Variants in EPHB1 observed in about 807,000 individuals in gnomAD.
EPHB1 encodes EPH receptor B1.
EPHB1 carries 30 observed loss-of-function variants against 94.4 expected under a neutral mutation model. That is an observed-to-expected ratio of 0.32 (90% CI 0.24 to 0.43). The LOEUF (loss-of-function observed/expected upper bound fraction) is 0.43, where lower values mean the gene tolerates loss of function less well. Ranked by LOEUF, EPHB1 falls within the 20% of genes least tolerant of loss-of-function variation. EPHB1 has a pLI of 1.00. For synonymous variants in EPHB1, 522 were observed against 489.1 expected (o/e 1.07, Z -0.89); for missense variants, 1,055 against 1,308.3 (o/e 0.81, Z 2.99).
intron 3 of EPHB1, among the ~76,000 whole-genome samples, chr3:135,018,077 C>T (rs756818575): frequency 1.7e-4 from 26 of 152,044 alleles, no homozygotes; most frequent in Non-Finnish European, 2.8e-4. Flanking sequence ...GGTGTTTAAC[C>T]TGGGCCTTGA....
chr3:135,093,721 C>CAA (rs11297040), intron 3 of EPHB1, among the ~76,000 whole-genome samples: 3 of 140,500 alleles, frequency 2.1e-5, no homozygotes, highest in South Asian at 2.3e-4. Flanking sequence ...GACCCTGACT[C>CAA]AAAAAAAAAA....
At position 135,064,384 on chromosome 3, in the gene EPHB1, T is replaced by C. The variant is rs137995608; in HGVS notation, c.806-42064T>C. On this transcript the variant is annotated intron_variant, in intron 3 of 15. Transcript: ENST00000398015. ...ACCATTTCAATATTGCTGCTTGTTA[T>C]TGGCCTGTTTAGGGTATCTAATTCT... 7.8e-3 allele frequency among the ~76,000 whole-genome samples: 1,190 copies of C among 152,262 alleles called. 14 individuals carry two copies. The highest frequency in any genetic ancestry group is 0.027 in the African/African-American group (1,116 of 41,582).
intron 12 of EPHB1, among the ~76,000 whole-genome samples, chr3:135,227,589 A>G (rs910886416): frequency 2.0e-5 from 3 of 152,152 alleles, no homozygotes; most frequent in African/African-American, 7.2e-5. Context: ...CTCTTTTTAA[A>G]TGGTCATCTA....
intron 12 of EPHB1, among the ~76,000 whole-genome samples, chr3:135,233,993 C>T (rs916653672): frequency 5.9e-5 from 9 of 152,162 alleles, no homozygotes; most frequent in Non-Finnish European, 1.2e-4. Context: ...TCCTAGGCCT[C>T]CAGGTCTGTG....
intron 1 of EPHB1, among the ~76,000 whole-genome samples, chr3:134,875,288 C>A (rs1471537012): frequency 6.6e-6 from 1 of 152,114 alleles, no homozygotes; most frequent in Non-Finnish European, 1.5e-5. Flanking sequence ...ACTGACCTGC[C>A]CACCTGGTGT....
chr3:135,252,019 A>G (rs1372407218), intron 15 of EPHB1, among the ~76,000 whole-genome samples: 3 of 152,076 alleles, frequency 2.0e-5, no homozygotes, highest in Non-Finnish European at 2.9e-5. Flanking sequence ...CCTTGTTTAT[A>G]AATAATTTAT....
chr3:135,238,374 T>C (rs1943705245), intron 12 of EPHB1, among the ~76,000 whole-genome samples: 1 of 152,110 alleles, frequency 6.6e-6, no homozygotes. Flanking sequence ...CAGCCCAAGC[T>C]CAGTGTTCAG....
At position 135,206,849 on chromosome 3, in the gene EPHB1, C is replaced by CA. The variant is rs917102216; in HGVS notation, c.2346+5169dup. ...GGGCAACAAGAGGGGAGCCCCATCT[C>CA]AAAAAAAAAGTGTCTTACTGTCTGG... On this transcript the variant is annotated intron_variant, in intron 12 of 15. Coordinates refer to ENST00000398015, the MANE Select transcript of EPHB1 (RefSeq NM_004441.5). Among the ~76,000 whole-genome samples the CA allele has an allele frequency of 1.7e-4, 25 of 148,880 alleles. No homozygotes were observed. The South Asian group carries it at 4.7e-3, about 28-fold the overall frequency.
chr3:135,049,643 T>G (rs1937108871), intron 3 of EPHB1, among the ~76,000 whole-genome samples: 1 of 152,192 alleles, frequency 6.6e-6, no homozygotes, highest in Non-Finnish European at 1.5e-5. Context: ...GGTTAACCAT[T>G]TACAGAACCC....
chr3:135,134,491 G>T (rs1940542291), intron 5 of EPHB1, among the ~76,000 whole-genome samples: 1 of 152,326 alleles, frequency 6.6e-6, no homozygotes. Flanking sequence ...GTGTGGGTGT[G>T]TGTGTGTGTG....
chr3:134,879,915 A>G (rs1281361938), intron 1 of EPHB1, among the ~76,000 whole-genome samples: 1 of 152,254 alleles, frequency 6.6e-6, no homozygotes, highest in African/African-American at 2.4e-5. Context: ...GAGGCCAGAA[A>G]AAAACGATCA....
chr3:135,166,939 C>A lies in EPHB1; in HGVS notation c.1695-3C>A. ...CTGAGAGAGCCCCTCTTTTTATCCA[C>A]AGGAAACGGGCTTATAGCAAAGAGG... On this transcript the variant is annotated splice_polypyrimidine_tract_variant and splice_region_variant and intron_variant, in intron 8 of 15. Transcript: ENST00000398015. The A allele has an allele frequency of 6.2e-7, 1 of 1,614,004 alleles. No individual in the cohort carries two copies.
At chr3:135,011,176 T>C (rs946194439) in intron 3 of EPHB1, among the ~76,000 whole-genome samples, 2 of 152,234 alleles carry the variant, frequency 1.3e-5, no homozygotes, top group Non-Finnish European at 1.5e-5. Context: ...TCAGAATTCA[T>C]GGACATTGCT....
intron 2 of EPHB1, among the ~76,000 whole-genome samples, chr3:134,938,274 ACAGTGCCC>A (rs951689595): frequency 6.6e-6 from 1 of 152,188 alleles, no homozygotes; most frequent in Admixed American, 6.5e-5. Flanking sequence ...GGTGGAGGTT[ACAGTGCCC>A]CAGGGGTGTA....
rs865921728 is a variant in EPHB1 at position 135,052,909 on chromosome 3, A to G, written c.806-53539A>G. Among the ~76,000 whole-genome samples the G allele has an allele frequency of 4.3e-3, 296 of 68,846 alleles. 7 individuals are homozygous for G. The highest frequency in any genetic ancestry group is 0.016 in the Middle Eastern group (2 of 126). The allele number at this position is 68,846 out of a possible 152,430, so 45.2% of individuals were successfully genotyped here. ...AAAAAAAATATATATATATATATAT[A>G]TGTGTGTGTGTGTGTGTGTGTGTAT... On this transcript the variant is annotated intron_variant, in intron 3 of 15. Transcript: ENST00000398015.
At position 135,054,040 on chromosome 3, in the gene EPHB1, T is replaced by TATATATATAC. The variant is rs377064799; in HGVS notation, c.806-52407_806-52406insTATATATACA. Among the ~76,000 whole-genome samples the TATATATATAC allele has an allele frequency of 4.6e-3, 640 of 139,846 alleles. 5 individuals carry two copies. Among genetic ancestry groups the TATATATATAC allele is most frequent in the African/African-American group, 0.016 (582 of 36,456 alleles). 91.7% of individuals were successfully genotyped at this position (139,846 alleles called of 152,430 possible). On this transcript the variant is annotated intron_variant, in intron 3 of 15. Transcript: ENST00000398015. ...GTGTGTCTGCATATATATATATATATACACACACACACACACACACACACA... is the reference window on the plus strand; with the variant it reads ...GTGTGTCTGCATATATATATATATATATATATATACACACACACACACACACACACACACA...
chr3:134,826,270 A>C (rs1016136100), intron 1 of EPHB1, among the ~76,000 whole-genome samples: 1 of 150,002 alleles, frequency 6.7e-6, no homozygotes, highest in Non-Finnish European at 1.5e-5. Context: ...AAAAAAAAGC[A>C]ATTGAAAATG....
At position 135,120,383 on chromosome 3, in the gene EPHB1, A is replaced by G. The variant is rs140438994; in HGVS notation, c.962-12331A>G. 5.2e-3 allele frequency among the ~76,000 whole-genome samples: 795 copies of G among 152,308 alleles called. 7 individuals are homozygous for G. Among genetic ancestry groups the G allele is most frequent in the African/African-American group, 0.018 (754 of 41,568 alleles). On this transcript the variant is annotated intron_variant, in intron 4 of 15. Coordinates refer to ENST00000398015, the MANE Select transcript of EPHB1 (RefSeq NM_004441.5). ...AAATAATTTTTTATTATATTTTCAA[A>G]CAGGTTATGATTATTAACAGATGAC...
chr3:135,030,919 C>T (rs925045603), intron 3 of EPHB1, among the ~76,000 whole-genome samples: 5 of 152,230 alleles, frequency 3.3e-5, no homozygotes, highest in Non-Finnish European at 7.3e-5. Flanking sequence ...GGCATGTAAT[C>T]TCGTGGTGCG....
Sources: allele counts gnomAD v4.1 joint callset (sites outside exome capture counted in the v4.1 genomes callset), GRCh38; gene constraint gnomAD v4.1.1; transcripts MANE v1.5; gene names NCBI Gene and HGNC (gene_info 2026-07-23, HGNC 2026-07-21).